Variants in SP140 observed in about 807,000 individuals in gnomAD.
SP140 encodes nuclear body protein SP140.
In SP140, 81 loss-of-function variants were observed where a neutral mutation model predicts 125.0. That is an observed-to-expected ratio of 0.65 (90% CI 0.54 to 0.78). The LOEUF (loss-of-function observed/expected upper bound fraction) is 0.78, where lower values mean the gene tolerates loss of function less well. Among genes scored for constraint, SP140 ranks in the 30% least tolerant of loss-of-function variants. The pLI, the probability that SP140 is intolerant of heterozygous loss-of-function variation, is 0.00. For synonymous variants in SP140, 312 were observed against 354.0 expected, an observed-to-expected ratio of 0.88 and a Z score of 1.33; for missense variants, 858 against 1,037.0, an observed-to-expected ratio of 0.83 and a Z score of 2.37.
rs1228323970 is a variant in SP140 at position 230,237,359 on chromosome 2, G to A, written c.237+99G>A. 2.9e-6 allele frequency: 3 copies of A among 1,021,822 alleles called. 1 individual carries two copies. The highest frequency in any genetic ancestry group is 3.0e-5 in the South Asian group (2 of 67,332). 63.3% of individuals were successfully genotyped at this position (1,021,822 alleles called of 1,614,324 possible). A position where few individuals can be genotyped will look rare whatever the true frequency, so the allele number is the denominator to read the frequency against. On this transcript the variant is annotated intron_variant, in intron 2 of 26. Coordinates refer to ENST00000392045, the MANE Select transcript of SP140 (RefSeq NM_007237.5). This position sits in a 1 kb window ranked among gnomAD's most constrained non-coding sequence, Gnocchi z 5.4. ...AGGCTAAAGGGCCTCCTGTGAGTGG[G>A]GACCTTCACCATTCTGTAGGTTAGG...
Position 230,284,333 on chromosome 2 carries a change from C to T in SP140, c.1499-13C>T. 6.2e-7 allele frequency: 1 copy of T among 1,600,066 alleles called. No individual in the cohort carries two copies. The highest frequency in any genetic ancestry group is 8.5e-7 in the Non-Finnish European group (1 of 1,172,502). On this transcript the variant is annotated splice_polypyrimidine_tract_variant and intron_variant, in intron 15 of 26. Transcript: ENST00000392045. ...ACCTCTGCATAATTAACTTTATTCTCTTTGGTTTGAAGGAAAAAAGAGGGG... is the reference window on the plus strand; with the variant it reads ...ACCTCTGCATAATTAACTTTATTCTTTTTGGTTTGAAGGAAAAAAGAGGGG...
intron 3 of SP140, among the ~76,000 whole-genome samples, chr2:230,241,127 C>T (rs957477423): frequency 2.0e-5 from 3 of 152,136 alleles, no homozygotes; most frequent in Non-Finnish European, 2.9e-5. Context: ...GAAAGGAAGG[C>T]GCCATTGCTG....
chr2:230,304,755 A>C (rs1029644268), intron 22 of SP140, among the ~76,000 whole-genome samples: 1 of 152,248 alleles, frequency 6.6e-6, no homozygotes, highest in Non-Finnish European at 1.5e-5. Flanking sequence ...TACAAAAATC[A>C]ACTAAAGATG....
At chr2:230,229,612 C>T (rs538292288) in intron 1 of SP140, among the ~76,000 whole-genome samples, 50 of 151,432 alleles carry the variant, frequency 3.3e-4, no homozygotes, top group African/African-American at 9.7e-4. Context: ...GGACTACAGG[C>T]GCCCACCACC....
At chr2:230,193,635 A>G in the SP140 span, among the ~76,000 whole-genome samples, 8 of 152,224 alleles carry the variant, frequency 5.3e-5, no homozygotes, top group African/African-American at 1.9e-4. Context: ...GCCAGATACA[A>G]AATTCTTGGC....
At chr2:230,236,714 C>A (rs1000421076) in intron 1 of SP140, among the ~76,000 whole-genome samples, 1 of 152,204 alleles carries the variant, frequency 6.6e-6, no homozygotes, top group Non-Finnish European at 1.5e-5. Context: ...TCCAAAAACA[C>A]CCTCAAAGTT....
chr2:230,313,568 T>C (rs1402271554), downstream of SP140, among the ~76,000 whole-genome samples: 1 of 152,174 alleles, frequency 6.6e-6, no homozygotes, highest in African/African-American at 2.4e-5. Context: ...CTGGTTTAGC[T>C]TTTGGCCACA....
At chr2:230,285,998 T>A (rs1264246325) in intron 17 of SP140, among the ~76,000 whole-genome samples, 166 bp downstream of exon 17, 1 of 152,248 alleles carries the variant, frequency 6.6e-6, no homozygotes, top group Non-Finnish European at 1.5e-5. Flanking sequence ...GGGTTGTAAG[T>A]TGATTGTATT....
At chr2:230,282,762 A>G (rs1253498299) in intron 15 of SP140, among the ~76,000 whole-genome samples, 1 of 152,240 alleles carries the variant, frequency 6.6e-6, no homozygotes, top group African/African-American at 2.4e-5. Context: ...AAGAAGCACA[A>G]TCCCAAGGGC....
chr2:230,257,742 G>A (rs1271570831), intron 12 of SP140, among the ~76,000 whole-genome samples: 1 of 152,138 alleles, frequency 6.6e-6, no homozygotes, highest in Non-Finnish European at 1.5e-5. Context: ...ACTCCAGCCT[G>A]GTGACAGAGC....
intron 14 of SP140, among the ~76,000 whole-genome samples, chr2:230,270,307 C>T (rs1181681337): frequency 6.6e-6 from 1 of 152,070 alleles, no homozygotes; most frequent in Non-Finnish European, 1.5e-5. Context: ...TTAGAAAGGC[C>T]ACACTCAAAA....
chr2:230,237,213 C>T lies in SP140; in HGVS notation c.190C>T (p.Leu64Phe). 6.2e-7 allele frequency: 1 copy of T among 1,611,622 alleles called. No homozygotes were observed. The highest frequency in any genetic ancestry group is 8.5e-7 in the Non-Finnish European group (1 of 1,179,356). The change falls in exon 2 of 27, where the codon CTT becomes TTT. Residue 64 changes from leucine (L) to phenylalanine (F), a missense_variant. Coordinates refer to ENST00000392045, the MANE Select transcript of SP140 (RefSeq NM_007237.5). The surrounding 1 kb of genome is among the most constrained non-coding windows in gnomAD (Gnocchi z 5.4). ...TGCAATAACAAGGCCATTTCCTTTC[C>T]TTATGGGCCTCCGAGACCGCTCCTT... Reference protein sequence around the residue: ...ASAITRPFPFLMGLRDRSFIS... With the variant: ...ASAITRPFPFFMGLRDRSFIS...
the SP140 span, among the ~76,000 whole-genome samples, chr2:230,189,577 T>TA: frequency 1.3e-5 from 2 of 152,118 alleles, no homozygotes; most frequent in Non-Finnish European, 1.5e-5. Context: ...TTTTTTCTTC[T>TA]AAAAAACCCC....
intron 15 of SP140, among the ~76,000 whole-genome samples, chr2:230,276,418 A>G (rs1385702608): frequency 6.6e-6 from 1 of 152,164 alleles, no homozygotes; most frequent in Non-Finnish European, 1.5e-5. Context: ...ACATCTGTTT[A>G]CAACATGGTT....
At chr2:230,227,288 C>T (rs1184911621) in intron 1 of SP140, among the ~76,000 whole-genome samples, 1 of 152,206 alleles carries the variant, frequency 6.6e-6, no homozygotes, top group Non-Finnish European at 1.5e-5. Flanking sequence ...GTGCCCAGTG[C>T]CACCACTCCC....
chr2:230,287,077 T>G (rs147855975), intron 17 of SP140, among the ~76,000 whole-genome samples: 47 of 152,300 alleles, frequency 3.1e-4, no homozygotes, highest in African/African-American at 1.1e-3. Context: ...AGATGCCCAT[T>G]CACAGCCAAT....
In SP140 at chr2:230,241,462, C is replaced by A. The variant is rs1026031823; in HGVS notation, c.465C>A (p.Pro155=). ...MNNVNDLEDR[P]RLLPYGKQEN... is the part of the protein sequence containing the mutation. Reference sequence around the variant, plus strand: ...ATGTAAACGATTTAGAAGATAGACCCAGATTACTACCATATGGTAAACAAG... The same window carrying A: ...ATGTAAACGATTTAGAAGATAGACCAAGATTACTACCATATGGTAAACAAG... Residue 155 remains proline (P), a synonymous_variant, in exon 4 of 27, where the codon CCC becomes CCA. Coordinates refer to ENST00000392045, the MANE Select transcript of SP140 (RefSeq NM_007237.5). 6.3e-7 allele frequency: 1 copy of A among 1,582,894 alleles called. No homozygotes were observed. Among genetic ancestry groups the A allele is most frequent in the Non-Finnish European group, 8.7e-7 (1 of 1,151,646 alleles).
intron 3 of SP140, chr2:230,219,831 G>A (rs1574817570): frequency 1.2e-6 from 1 of 825,348 alleles, no homozygotes; most frequent in East Asian, 1.2e-4. Flanking sequence ...AAGAGCTGCA[G>A]TCACCAAGAG....
Position 230,245,890 on chromosome 2 carries a change from A to G in SP140, c.692A>G (p.Asp231Gly), listed in dbSNP as rs747276289. Residue 231 changes from aspartate to glycine, a missense_variant, in exon 7 of 27, where the codon GAT becomes GGT. Transcript: ENST00000392045. ...GVSCKLAIQIDEGESEEMPKL... is the reference protein window; with the variant it reads ...GVSCKLAIQIGEGESEEMPKL... ...TCCTGTAAACTTGCTATACAAATAGATGAAGGAGAATCAGAAGAAATGCCC... is the reference window on the plus strand; with the variant it reads ...TCCTGTAAACTTGCTATACAAATAGGTGAAGGAGAATCAGAAGAAATGCCC... 1.9e-6 allele frequency: 3 copies of G among 1,607,644 alleles called. No homozygotes were observed. Among genetic ancestry groups the G allele is most frequent in the Middle Eastern group, 1.7e-4 (1 of 6,042 alleles).
Sources: allele counts gnomAD v4.1 joint callset (sites outside exome capture counted in the v4.1 genomes callset), GRCh38; gene constraint gnomAD v4.1.1; non-coding constraint Gnocchi (gnomAD v3.1); transcripts MANE v1.5; gene names NCBI Gene and HGNC (gene_info 2026-07-23, HGNC 2026-07-21).